GRIK3: variants seen among roughly 807,000 people sequenced by gnomAD.
GRIK3 encodes the protein glutamate receptor ionotropic, kainate 3.
Under a neutral mutation model 102.5 loss-of-function variants are expected in GRIK3, and 29 were observed. The observed-to-expected ratio is 0.28, with a 90% CI of 0.21 to 0.39. GRIK3 has a LOEUF of 0.39. Among genes scored for constraint, GRIK3 ranks in the 10% least tolerant of loss-of-function variants. The pLI is 1.00. For synonymous variants in GRIK3, 511 were observed against 504.9 expected (o/e 1.01, Z -0.16); for missense variants, 908 against 1,252.4 (o/e 0.73, Z 4.15).
At chr1:37,023,065 AC>A (rs1329977927) in intron 1 of GRIK3, among the ~76,000 whole-genome samples, 4 of 152,318 alleles carry the variant, frequency 2.6e-5, no homozygotes, top group Non-Finnish European at 5.9e-5. Flanking sequence ...GCAGTGGCTC[AC>A]GTCTGTAATC....
intron 2 of GRIK3, among the ~76,000 whole-genome samples, chr1:36,888,810 C>A (rs1032203750): frequency 6.6e-5 from 10 of 152,132 alleles, no homozygotes; most frequent in African/African-American, 2.2e-4. Flanking sequence ...CTCCAGGAAG[C>A]CTTCCTGCTT....
intron 1 of GRIK3, among the ~76,000 whole-genome samples, chr1:36,996,018 C>T (rs1375977155): frequency 1.3e-5 from 2 of 151,600 alleles, no homozygotes; most frequent in African/African-American, 4.9e-5. Flanking sequence ...TGAGTATACT[C>T]GTAGCTGATG....
intron 2 of GRIK3, among the ~76,000 whole-genome samples, chr1:36,886,082 T>C (rs1641033804): frequency 6.6e-6 from 1 of 152,202 alleles, no homozygotes; most frequent in South Asian, 2.1e-4. Context: ...ACAGACACTC[T>C]CTGCGCTGCT....
chr1:37,003,020 TG>T lies in GRIK3; in HGVS notation c.115+30973del, dbSNP rs1300961898. Among the ~76,000 whole-genome samples, 162 of 75,680 alleles carry T rather than the reference TG, an allele frequency of 2.1e-3. 2 individuals are homozygous for T. Among genetic ancestry groups the T allele is most frequent in the South Asian group, 9.1e-3 (14 of 1,540 alleles). The allele number at this position is 75,680 out of a possible 152,430, so 49.6% of individuals were successfully genotyped here. A position where few individuals can be genotyped will look rare whatever the true frequency, so the allele number is the denominator to read the frequency against. ...AAAATAAAGGGTTAATAAAAGCTGT[TG>T]TTTTTTTTTTTTTTTTTGTCCCAGA... On this transcript the variant is annotated intron_variant, in intron 1 of 15. Coordinates refer to ENST00000373091, the MANE Select transcript of GRIK3 (RefSeq NM_000831.4).
At chr1:37,002,670 CTT>C (rs57712253) in intron 1 of GRIK3, among the ~76,000 whole-genome samples, 3,121 of 135,186 alleles carry the variant, frequency 0.023, 34 homozygotes, top group African/African-American at 0.046. Flanking sequence ...TTCTTTCTTT[CTT>C]TTTTTTTTTT....
intron 1 of GRIK3, among the ~76,000 whole-genome samples, chr1:36,934,375 T>C (rs532400784): frequency 1.8e-4 from 28 of 152,316 alleles, no homozygotes; most frequent in African/African-American, 6.3e-4. Flanking sequence ...AATCTCATAT[T>C]CCTTATGCTA....
chr1:36,856,984 G>A (rs775073453), intron 7 of GRIK3, among the ~76,000 whole-genome samples: 1 of 152,168 alleles, frequency 6.6e-6, no homozygotes, highest in Non-Finnish European at 1.5e-5. Flanking sequence ...CACCTGCTAC[G>A]AGCCAGGCGT....
At chr1:36,812,431 C>A (rs1642572938) in intron 13 of GRIK3, among the ~76,000 whole-genome samples, 1 of 152,210 alleles carries the variant, frequency 6.6e-6, no homozygotes, top group African/African-American at 2.4e-5. Context: ...CTCTTCAAAG[C>A]TGTGCAGCCC....
intron 1 of GRIK3, among the ~76,000 whole-genome samples, chr1:37,001,308 T>C (rs577296387): frequency 5.0e-4 from 76 of 152,358 alleles, no homozygotes; most frequent in Admixed American, 1.3e-3. Context: ...TCAATTGTTC[T>C]AAAGCAAAAA....
chr1:37,009,899 G>A (rs1233669086), intron 1 of GRIK3, among the ~76,000 whole-genome samples: 1 of 152,118 alleles, frequency 6.6e-6, no homozygotes, highest in Admixed American at 6.5e-5. Flanking sequence ...CTGTTGGGGG[G>A]AGCTTGGAGG....
At position 36,842,587 on chromosome 1, in the gene GRIK3, C is replaced by G. The variant is rs1640469472; in HGVS notation, c.1327-648G>C. 7.2e-5 allele frequency among the ~76,000 whole-genome samples: 11 copies of G among 152,272 alleles called. No homozygotes were observed. The South Asian group carries it at 2.3e-3, about 32-fold the overall frequency. On this transcript the variant is annotated intron_variant, in intron 9 of 15. Coordinates refer to ENST00000373091, the MANE Select transcript of GRIK3 (RefSeq NM_000831.4). ...CTCCTCAGTCCCCTGTGTTAGGATCCCAGGGGAGTGATTACTGGTAACAGG... is the reference window on the plus strand; with the variant it reads ...CTCCTCAGTCCCCTGTGTTAGGATCGCAGGGGAGTGATTACTGGTAACAGG...
At chr1:36,980,816 A>G (rs1642241204) in intron 1 of GRIK3, among the ~76,000 whole-genome samples, 1 of 152,312 alleles carries the variant, frequency 6.6e-6, no homozygotes, top group Non-Finnish European at 1.5e-5. Flanking sequence ...ATGTCCACTC[A>G]GCAGATGAAC....
chr1:36,964,044 T>C (rs1035273959), intron 1 of GRIK3, among the ~76,000 whole-genome samples: 7 of 152,186 alleles, frequency 4.6e-5, no homozygotes, highest in Non-Finnish European at 1.5e-5. Flanking sequence ...ACCGTGGTCA[T>C]GAAGACCCCA....
At chr1:37,033,757 AG>A (rs796104370) in intron 1 of GRIK3, among the ~76,000 whole-genome samples, 7 of 152,300 alleles carry the variant, frequency 4.6e-5, no homozygotes, top group African/African-American at 1.7e-4. Context: ...CTGACCTCCC[AG>A]GAGCGCGCCA....
intron 1 of GRIK3, among the ~76,000 whole-genome samples, chr1:36,931,564 T>C (rs1641589462): frequency 6.6e-6 from 1 of 152,232 alleles, no homozygotes; most frequent in Non-Finnish European, 1.5e-5. Flanking sequence ...CAATGACTGT[T>C]TTATTTCCCC....
Position 36,865,664 on chromosome 1 carries a change from T to C in GRIK3, c.786+4084A>G, listed in dbSNP as rs144815984. ...GGCTATGCCTCCCTGGAAGGGTCCATTCTTCCCGACCCTCAGATTGTGTGG... is the reference window on the plus strand; with the variant it reads ...GGCTATGCCTCCCTGGAAGGGTCCACTCTTCCCGACCCTCAGATTGTGTGG... On this transcript the variant is annotated intron_variant, in intron 5 of 15. Transcript: ENST00000373091. Among the ~76,000 whole-genome samples the C allele has an allele frequency of 2.3e-3, 357 of 152,296 alleles. 2 individuals carry two copies. Among genetic ancestry groups the C allele is most frequent in the African/African-American group, 8.2e-3 (342 of 41,554 alleles).
chr1:36,824,195 A>G (rs1642728228), intron 11 of GRIK3, among the ~76,000 whole-genome samples: 1 of 152,108 alleles, frequency 6.6e-6, no homozygotes, highest in African/African-American at 2.4e-5. Flanking sequence ...TTGCTAGTGA[A>G]GGGCCAGGAA....
chr1:37,003,293 T>A (rs1209784394), intron 1 of GRIK3, among the ~76,000 whole-genome samples: 1 of 152,258 alleles, frequency 6.6e-6, no homozygotes, highest in African/African-American at 2.4e-5. Flanking sequence ...CAACTTTAAA[T>A]CATTTTTGTG....
intron 13 of GRIK3, 100 bp downstream of exon 13, chr1:36,816,960 G>A (rs1050129974): frequency 2.4e-5 from 19 of 785,774 alleles, no homozygotes; most frequent in South Asian, 1.2e-4. Context: ...TTGGCCATGC[G>A]TGGTTAGGGA....
Sources: allele counts gnomAD v4.1 joint callset (sites outside exome capture counted in the v4.1 genomes callset), GRCh38; gene constraint gnomAD v4.1.1; transcripts MANE v1.5; gene names NCBI Gene and HGNC (gene_info 2026-07-23, HGNC 2026-07-21).